KHDRBS2: variants seen among roughly 807,000 people sequenced by gnomAD.
KHDRBS2 encodes the protein KH domain-containing, RNA-binding, signal transduction-associated protein 2.
A neutral mutation model predicts 44.3 loss-of-function variants in KHDRBS2; 26 were observed. That is an observed-to-expected ratio of 0.59 (90% CI 0.43 to 0.81). KHDRBS2 has a LOEUF of 0.81. KHDRBS2 is among the 40% of genes least tolerant of loss of function. The pLI is 0.00. For synonymous variants in KHDRBS2, 194 were observed against 151.1 expected (o/e 1.28, Z -2.08); for missense variants, 476 against 433.1 (o/e 1.10, Z -0.88).
At chr6:61,818,727 A>C (rs2127248747) in intron 6 of KHDRBS2, among the ~76,000 whole-genome samples, 1 of 152,114 alleles carries the variant, frequency 6.6e-6, no homozygotes, top group South Asian at 2.1e-4. Context: ...GGTTACTGTA[A>C]GCCATTTTCC....
chr6:61,634,923 C>T, the KHDRBS2 span, among the ~76,000 whole-genome samples: 1 of 151,910 alleles, frequency 6.6e-6, no homozygotes, highest in Non-Finnish European at 1.5e-5. Flanking sequence ...AAGTTCCTTC[C>T]AATTATTATC....
At chr6:61,703,848 A>G (rs866056522) in intron 7 of KHDRBS2, among the ~76,000 whole-genome samples, 2 of 151,780 alleles carry the variant, frequency 1.3e-5, no homozygotes, top group African/African-American at 4.8e-5. Context: ...AGACTCCACA[A>G]CTTCCATCCA....
At chr6:62,179,913 G>A (rs1563012949) in intron 1 of KHDRBS2, among the ~76,000 whole-genome samples, 2 of 151,538 alleles carry the variant, frequency 1.3e-5, no homozygotes, top group East Asian at 3.9e-4. Context: ...TGTCTTCTTT[G>A]GCATATCTCC....
chr6:61,864,093 A>T (rs1263462697), intron 6 of KHDRBS2, among the ~76,000 whole-genome samples: 4 of 152,088 alleles, frequency 2.6e-5, no homozygotes, highest in African/African-American at 7.2e-5. Context: ...GTTTTATCAG[A>T]AACTGGGATT....
At chr6:62,227,076 G>C (rs1391425356) in intron 1 of KHDRBS2, among the ~76,000 whole-genome samples, 2 of 152,124 alleles carry the variant, frequency 1.3e-5, no homozygotes, top group Non-Finnish European at 2.9e-5. Flanking sequence ...ATGTTAGTTT[G>C]ATGGGAACAG....
chr6:61,702,637 G>A (rs1205880649), intron 7 of KHDRBS2, among the ~76,000 whole-genome samples: 2 of 151,868 alleles, frequency 1.3e-5, no homozygotes, highest in African/African-American at 4.8e-5. Context: ...ACATTTTAAA[G>A]GAAATTTGTT....
intron 1 of KHDRBS2, among the ~76,000 whole-genome samples, chr6:62,200,600 G>A (rs1167279350): frequency 1.3e-5 from 2 of 152,214 alleles, no homozygotes; most frequent in Admixed American, 1.3e-4. Context: ...TGCTGGAGAG[G>A]ATGTGGAGAA....
chr6:61,689,633 G>T (rs140720504), intron 8 of KHDRBS2, among the ~76,000 whole-genome samples: 1 of 152,050 alleles, frequency 6.6e-6, no homozygotes, highest in East Asian at 1.9e-4. Flanking sequence ...TGAGTTATCT[G>T]CCTATTACCT....
intron 6 of KHDRBS2, among the ~76,000 whole-genome samples, chr6:61,746,168 A>G (rs1264858157): frequency 6.6e-6 from 1 of 152,136 alleles, no homozygotes; most frequent in African/African-American, 2.4e-5. Flanking sequence ...GTTCCAATCA[A>G]CCAGAAAGAG....
chr6:62,286,168 G>C lies in KHDRBS2; in HGVS notation c.-220C>G, dbSNP rs886202948. The C allele has an allele frequency of 9.1e-5, 50 of 547,430 alleles. 1 individual carries two copies. The highest frequency in any genetic ancestry group is 1.5e-4 in the Non-Finnish European group (46 of 313,908). The allele number at this position is 547,430 out of a possible 1,614,324, so 33.9% of individuals were successfully genotyped here. On this transcript the variant is annotated 5_prime_UTR_variant, in exon 1 of 9. Coordinates refer to ENST00000281156, the MANE Select transcript of KHDRBS2 (RefSeq NM_152688.4). ...CTGCCCGTCCCTTCCGTCGTCCCTC[G>C]CTCGCGCAGAGCCCCGGCTCACACC...
At chr6:61,697,548 T>A (rs1472865056) in intron 7 of KHDRBS2, among the ~76,000 whole-genome samples, 1 of 152,122 alleles carries the variant, frequency 6.6e-6, no homozygotes, top group Non-Finnish European at 1.5e-5. Context: ...AAGAGAGTTA[T>A]AAAAGGCCTA....
At chr6:61,907,990 G>A (rs919163344) in intron 4 of KHDRBS2, among the ~76,000 whole-genome samples, 1 of 152,148 alleles carries the variant, frequency 6.6e-6, no homozygotes, top group Non-Finnish European at 1.5e-5. Context: ...CACTTGAATA[G>A]TATTGAGTTC....
chr6:62,178,106 T>C (rs1334162115), intron 1 of KHDRBS2, among the ~76,000 whole-genome samples: 1 of 151,480 alleles, frequency 6.6e-6, no homozygotes, highest in Non-Finnish European at 1.5e-5. Context: ...TGGGCACACA[T>C]ACAGTTATGG....
chr6:61,579,343 T>A, the KHDRBS2 span, among the ~76,000 whole-genome samples: 1 of 152,170 alleles, frequency 6.6e-6, no homozygotes, highest in Admixed American at 6.5e-5. Flanking sequence ...CAACTATCAG[T>A]AAATATGTGT....
chr6:62,156,730 G>T (rs559716887), intron 2 of KHDRBS2, among the ~76,000 whole-genome samples: 1 of 152,078 alleles, frequency 6.6e-6, no homozygotes, highest in East Asian at 2.0e-4. Context: ...GCAGTGCAGT[G>T]GCGTGATCTC....
At chr6:61,823,480 G>A (rs1442391885) in intron 6 of KHDRBS2, among the ~76,000 whole-genome samples, 1 of 151,954 alleles carries the variant, frequency 6.6e-6, no homozygotes, top group Non-Finnish European at 1.5e-5. Flanking sequence ...TTATCTGATG[G>A]TTAAAGACAT....
chr6:62,081,678 A>G (rs556968969), intron 2 of KHDRBS2, among the ~76,000 whole-genome samples: 12 of 152,260 alleles, frequency 7.9e-5, no homozygotes, highest in African/African-American at 2.9e-4. Flanking sequence ...ACCAGAACAT[A>G]TCTTTATGTA....
intron 2 of KHDRBS2, among the ~76,000 whole-genome samples, chr6:62,079,728 T>C (rs1219254469): frequency 1.3e-5 from 2 of 152,054 alleles, no homozygotes; most frequent in East Asian, 1.9e-4. Flanking sequence ...AGAGAAATAT[T>C]AATTGTATTC....
At chr6:62,139,895 AC>A (rs1406758540) in intron 2 of KHDRBS2, among the ~76,000 whole-genome samples, 6 of 121,670 alleles carry the variant, frequency 4.9e-5, no homozygotes. Context: ...CTCCCCGCCC[AC>A]CCGCCGCCAA....
Sources: allele counts gnomAD v4.1 joint callset (sites outside exome capture counted in the v4.1 genomes callset), GRCh38; gene constraint gnomAD v4.1.1; transcripts MANE v1.5; gene names NCBI Gene and HGNC (gene_info 2026-07-23, HGNC 2026-07-21).